The following MAF variants were observed in gnomAD, a reference collection of about 807,000 sequenced individuals.
MAF encodes the protein MAF bZIP transcription factor.
Under a neutral mutation model 22.0 loss-of-function variants are expected in MAF, and 10 were observed. The ratio of observed to expected loss-of-function variants is 0.45; its 90% CI spans 0.28 to 0.77. The LOEUF is 0.77. Among genes scored for constraint, MAF ranks in the 30% least tolerant of loss-of-function variants. The pLI is 0.12. For synonymous variants in MAF, 337 were observed against 255.8 expected (o/e 1.32, Z -3.03); for missense variants, 544 against 548.4 (o/e 0.99, Z 0.08).
the MAF span, among the ~76,000 whole-genome samples, chr16:79,240,906 G>T: frequency 2.0e-5 from 3 of 152,034 alleles, no homozygotes; most frequent in Non-Finnish European, 2.9e-5. Context: ...GGCAAACAGG[G>T]TCTGGAGTGG....
chr16:79,208,611 G>A, the MAF span, among the ~76,000 whole-genome samples: 1 of 146,048 alleles, frequency 6.8e-6, no homozygotes, highest in Non-Finnish European at 1.5e-5. Flanking sequence ...TCATCTGATG[G>A]TGATTAAAGT....
Position 79,594,493 on chromosome 16 carries a change from C to A in MAF, c.1179G>T (p.Gln393His). Residue 393 changes from glutamine (Q) to histidine (H), a missense_variant, in exon 2 of 2, where the codon CAG becomes CAT. By Grantham distance (24) the Gln-to-His change is conservative. Around this residue, in one of 5 missense-constraint regions of MAF, gnomAD observed 129 missense variants for 113.6 expected, o/e 1.14. Transcript: ENST00000326043. ...SVGYATFWKP[Q>H]HRVLTSVFTK is the part of the protein sequence containing the mutation. ...TGAACACACTGGTAAGTACACGATG[C>A]TGGGGCTTCCAAAATGTGGCGTATC... The A allele has an allele frequency of 3.2e-6, 5 of 1,566,436 alleles. No individual in the cohort carries two copies. The highest frequency in any genetic ancestry group is 4.3e-6 in the Non-Finnish European group (5 of 1,152,834).
chr16:79,347,985 C>G, the MAF span, among the ~76,000 whole-genome samples: 3 of 152,134 alleles, frequency 2.0e-5, no homozygotes, highest in Non-Finnish European at 4.4e-5. Context: ...TGAAGGAATT[C>G]CACTCTTTTT....
At chr16:79,206,508 C>A in the MAF span, 1 of 152,180 alleles carries the variant, frequency 6.6e-6, no homozygotes, top group Non-Finnish European at 1.5e-5. Context: ...GAGGGTTAGG[C>A]AACAATGCTT....
Position 79,594,389 on chromosome 16 carries a change from G to C in MAF, c.*71C>G. 7.5e-7 allele frequency: 1 copy of C among 1,326,162 alleles called. No individual in the cohort carries two copies. Among genetic ancestry groups the C allele is most frequent in the Non-Finnish European group, 1.1e-6 (1 of 942,380 alleles). 82.1% of individuals were successfully genotyped at this position (1,326,162 alleles called of 1,614,324 possible). A position where few individuals can be genotyped will look rare whatever the true frequency, so the allele number is the denominator to read the frequency against. On this transcript the variant is annotated 3_prime_UTR_variant, in exon 2 of 2. Transcript: ENST00000326043. ...GGAGACTAAACAGAAGTCAGGGGTA[G>C]GTGGTTCTCCATGACTGCAAATAAT...
chr16:79,520,063 G>C, the MAF span, among the ~76,000 whole-genome samples: 2 of 152,212 alleles, frequency 1.3e-5, no homozygotes, highest in Non-Finnish European at 1.5e-5. Context: ...GGGTCAAAAG[G>C]TTCGCATAGG....
At chr16:79,216,975 A>G in the MAF span, among the ~76,000 whole-genome samples, 3 of 152,082 alleles carry the variant, frequency 2.0e-5, no homozygotes, top group African/African-American at 7.2e-5. Context: ...ATGCCTGGCT[A>G]ATTTTTGTGT....
intron 1 of MAF, chr16:79,595,367 C>T (rs1300624496): frequency 6.7e-6 from 7 of 1,051,142 alleles, no homozygotes; most frequent in Non-Finnish European, 6.9e-6. Context: ...CCAAACACAA[C>T]CTGTTTTCTT....
chr16:79,451,501 T>A, the MAF span, among the ~76,000 whole-genome samples: 1 of 152,230 alleles, frequency 6.6e-6, no homozygotes, highest in African/African-American at 2.4e-5. Flanking sequence ...GAAGCATTTC[T>A]GGCTCTGCCT....
At chr16:79,398,782 C>T in the MAF span, among the ~76,000 whole-genome samples, 1 of 152,144 alleles carries the variant, frequency 6.6e-6, no homozygotes, top group Admixed American at 6.6e-5. Context: ...CATTCTCTTA[C>T]TCATTTTTTG....
chr16:79,203,483 C>G, the MAF span: 2 of 148,492 alleles, frequency 1.3e-5, no homozygotes, highest in South Asian at 2.1e-4. Context: ...GTGGCCCCAG[C>G]GGAGACCTTG....
chr16:79,483,534 G>A, the MAF span, among the ~76,000 whole-genome samples: 1 of 151,858 alleles, frequency 6.6e-6, no homozygotes, highest in Admixed American at 6.5e-5. Flanking sequence ...GAGGTGCACG[G>A]AATTAGAAGA....
the MAF span, among the ~76,000 whole-genome samples, chr16:79,448,232 T>C: frequency 2.0e-4 from 31 of 152,258 alleles, no homozygotes; most frequent in African/African-American, 7.0e-4. Context: ...GCAAACTTCA[T>C]TGTCGTCCTA....
the MAF span, among the ~76,000 whole-genome samples, chr16:79,300,681 A>G: frequency 6.7e-6 from 1 of 149,308 alleles, no homozygotes; most frequent in Non-Finnish European, 1.5e-5. Flanking sequence ...AAAACCAAAA[A>G]CAACCCATTT....
At chr16:79,278,669 G>C in the MAF span, among the ~76,000 whole-genome samples, 1 of 151,932 alleles carries the variant, frequency 6.6e-6, no homozygotes, top group African/African-American at 2.4e-5. Flanking sequence ...GGGTTTCGTG[G>C]GTAGAAGGCA....
chr16:79,515,077 A>T, the MAF span, among the ~76,000 whole-genome samples: 2 of 152,216 alleles, frequency 1.3e-5, no homozygotes, highest in African/African-American at 4.8e-5. Context: ...GGGGGACAGA[A>T]AAAATGTCTA....
the MAF span, among the ~76,000 whole-genome samples, chr16:79,513,027 C>T: frequency 2.6e-5 from 4 of 152,368 alleles, no homozygotes; most frequent in Admixed American, 6.5e-5. Context: ...GAGGGAGTGC[C>T]TTTTCACCTT....
At chr16:79,346,962 T>C in the MAF span, among the ~76,000 whole-genome samples, 3 of 152,218 alleles carry the variant, frequency 2.0e-5, no homozygotes, top group Non-Finnish European at 2.9e-5. Flanking sequence ...AAGACCAACA[T>C]TGGGTGTGAC....
the MAF span, among the ~76,000 whole-genome samples, chr16:79,291,005 C>A: frequency 6.6e-6 from 1 of 152,016 alleles, no homozygotes; most frequent in Non-Finnish European, 1.5e-5. Flanking sequence ...GGGGAAGAAA[C>A]ACTAAATGCC....
Sources: allele counts gnomAD v4.1 joint callset (sites outside exome capture counted in the v4.1 genomes callset), GRCh38; gene constraint gnomAD v4.1.1; regional missense constraint gnomAD v4.1.1; transcripts MANE v1.5; gene names NCBI Gene and HGNC (gene_info 2026-07-23, HGNC 2026-07-21).